Variants in RPS6KA5 observed in about 807,000 individuals in gnomAD.
RPS6KA5 encodes ribosomal protein S6 kinase alpha-5.
RPS6KA5 carries 27 observed loss-of-function variants against 85.5 expected under a neutral mutation model. The observed-to-expected ratio is 0.32, with a 90% confidence interval of 0.23 to 0.44. The LOEUF is 0.44. Ranked by LOEUF, RPS6KA5 falls within the 20% of genes least tolerant of loss-of-function variation. The probability of loss-of-function intolerance (pLI) is 1.00; values close to 1 mark genes in which losing one functional copy is unlikely to be tolerated. For missense variants in RPS6KA5, 811 were observed against 980.9 expected (o/e 0.83, Z 2.31); for synonymous variants, 334 against 348.2 (o/e 0.96, Z 0.46).
chr14:90,925,494 G>C (rs896298913), intron 5 of RPS6KA5, among the ~76,000 whole-genome samples: 1 of 152,056 alleles, frequency 6.6e-6, no homozygotes, highest in African/African-American at 2.4e-5. Context: ...TCTTCTGCAC[G>C]GTGTGGGGAA....
intron 3 of RPS6KA5, among the ~76,000 whole-genome samples, chr14:90,974,859 T>C (rs147408040): frequency 6.6e-6 from 1 of 152,346 alleles, no homozygotes; most frequent in East Asian, 1.9e-4. Context: ...GTTTAAGCTA[T>C]GAAATTTTAG....
intron 14 of RPS6KA5, among the ~76,000 whole-genome samples, chr14:90,875,914 A>AG (rs1329673864): frequency 4.3e-4 from 21 of 48,544 alleles, no homozygotes; most frequent in Admixed American, 1.4e-3. Context: ...GGGTGGGGGG[A>AG]GGGGGGAGGG....
At position 90,850,125 on chromosome 14, in the gene RPS6KA5, C is replaced by G. The variant is rs1009099738; in HGVS notation, c.*21949G>C. 2.6e-5 allele frequency: 4 copies of G among 152,190 alleles called. No individual in the cohort carries two copies. The highest frequency in any genetic ancestry group is 6.5e-5 in the Admixed American group (1 of 15,284). The allele number at this position is 152,190 out of a possible 1,614,324, so 9.4% of individuals were successfully genotyped here. On this transcript the variant is annotated 3_prime_UTR_variant, in exon 17 of 17. Coordinates refer to ENST00000614987, the MANE Select transcript of RPS6KA5 (RefSeq NM_004755.4). ...GTCTGGGAAGGGATCTGTGGGCTTT[C>G]TACAAGGGAGCAAACAACCTCAATT...
At chr14:90,933,589 T>G (rs993972545) in intron 5 of RPS6KA5, among the ~76,000 whole-genome samples, 1 of 152,200 alleles carries the variant, frequency 6.6e-6, no homozygotes, top group Non-Finnish European at 1.5e-5. Context: ...TATCTGGACC[T>G]CATGTTTCCA....
At chr14:90,956,964 GTTTTTTT>G (rs61106740) in intron 3 of RPS6KA5, among the ~76,000 whole-genome samples, 5 of 123,358 alleles carry the variant, frequency 4.1e-5, no homozygotes, top group Admixed American at 8.3e-5. Flanking sequence ...CTGTTTTTCT[GTTTTTTT>G]TTTTTTTTTT....
intron 3 of RPS6KA5, among the ~76,000 whole-genome samples, chr14:90,947,862 T>C (rs2037954054): frequency 6.6e-6 from 1 of 152,224 alleles, no homozygotes; most frequent in African/African-American, 2.4e-5. Context: ...CATAACCATA[T>C]AATGCATACT....
intron 7 of RPS6KA5, among the ~76,000 whole-genome samples, chr14:90,916,205 T>C (rs1052079641): frequency 3.3e-5 from 5 of 152,180 alleles, no homozygotes; most frequent in African/African-American, 1.2e-4. Flanking sequence ...TGAACATGGC[T>C]TCCTTAAAAA....
At chr14:90,915,386 T>C (rs2036061647) in intron 7 of RPS6KA5, among the ~76,000 whole-genome samples, 1 of 152,194 alleles carries the variant, frequency 6.6e-6, no homozygotes, top group African/African-American at 2.4e-5. Context: ...CCCATCTTCC[T>C]AGTGGACTCT....
At chr14:90,917,707 T>C (rs2036194661) in intron 7 of RPS6KA5, among the ~76,000 whole-genome samples, 3 of 148,454 alleles carry the variant, frequency 2.0e-5, no homozygotes, top group South Asian at 4.3e-4. Context: ...GATTCATCCA[T>C]TTGCAAGAGT....
intron 1 of RPS6KA5, chr14:91,052,480 A>C (rs1385091365): frequency 3.2e-5 from 8 of 246,466 alleles, no homozygotes; most frequent in South Asian, 1.1e-4. Context: ...AAAAAAAAAA[A>C]AAAACAGATT....
At position 90,902,898 on chromosome 14, in the gene RPS6KA5, T is replaced by C; in HGVS notation, c.1029A>G (p.Leu343=). 3 of 1,614,112 alleles carry C rather than the reference T, an allele frequency of 1.9e-6. No individual in the cohort carries two copies. Among genetic ancestry groups the C allele is most frequent in the Non-Finnish European group, 1.7e-6 (2 of 1,179,992 alleles). The change falls in exon 9 of 17, where the codon TTA becomes TTG. Residue 343 remains leucine, a synonymous_variant. Coordinates refer to ENST00000614987, the MANE Select transcript of RPS6KA5 (RefSeq NM_004755.4). ...APFKPVIRDE[L]DVSNFAEEFT... is the part of the protein sequence containing the mutation. ...ACTCTTCTGCAAAGTTACTCACATC[T>C]AATTCATCTCGAATGACTGGCTTAA...
chr14:91,060,335 T>C lies in RPS6KA5; in HGVS notation c.100A>G (p.Thr34Ala), dbSNP rs753889864. Reference protein sequence around the residue: ...QLLTVKHELRTANLTGHAEKV... With the variant: ...QLLTVKHELRAANLTGHAEKV... ...GGCAGAGGGCGGGGTCGCTCACCAG[T>C]CCGCAGCTCGTGCTTGACAGTGAGG... Residue 34 changes from threonine (T) to alanine (A), a missense_variant, in exon 1 of 17, where the codon ACT (threonine) becomes GCT (alanine). This residue lies in a region of RPS6KA5 where 113 missense variants were observed against 100.0 expected (regional missense o/e 1.13). Coordinates refer to ENST00000614987, the MANE Select transcript of RPS6KA5 (RefSeq NM_004755.4). 2 of 1,393,920 alleles carry C rather than the reference T, an allele frequency of 1.4e-6. No homozygotes were observed. The highest frequency in any genetic ancestry group is 2.1e-4 in the Middle Eastern group (1 of 4,782). The allele number at this position is 1,393,920 out of a possible 1,614,324, so 86.3% of individuals were successfully genotyped here.
chr14:90,912,510 T>C (rs561134404), intron 7 of RPS6KA5, among the ~76,000 whole-genome samples: 200 of 152,344 alleles, frequency 1.3e-3, no homozygotes, highest in African/African-American at 4.6e-3. Flanking sequence ...AAACTGCATA[T>C]GCTACCACTT....
chr14:90,909,007 C>T (rs765425744), intron 7 of RPS6KA5, among the ~76,000 whole-genome samples: 12 of 152,186 alleles, frequency 7.9e-5, no homozygotes, highest in Non-Finnish European at 1.6e-4. Context: ...GTGTTTGATG[C>T]TGTAATGTCG....
chr14:90,919,667 G>C (rs2036297651), intron 7 of RPS6KA5, among the ~76,000 whole-genome samples: 2 of 152,082 alleles, frequency 1.3e-5, no homozygotes, highest in African/African-American at 4.8e-5. Context: ...TAGTGTGACA[G>C]ATAGACATTA....
In RPS6KA5 at chr14:90,860,876, C is replaced by T. The variant is rs1006088999; in HGVS notation, c.*11198G>A. On this transcript the variant is annotated 3_prime_UTR_variant, in exon 17 of 17. Transcript: ENST00000614987. The stretch of plus-strand genomic sequence containing the variant: ...AAACATAAATATGTGAGCAAACAAA[C>T]AATATAGAGTCTATTTTTTTTTTTT... 1 of 146,698 alleles carries T rather than the reference C, an allele frequency of 6.8e-6. No homozygotes were observed. The highest frequency in any genetic ancestry group is 2.5e-5 in the African/African-American group (1 of 40,018). The allele number at this position is 146,698 out of a possible 1,614,324, so 9.1% of individuals were successfully genotyped here. A position where few individuals can be genotyped will look rare whatever the true frequency, so the allele number is the denominator to read the frequency against.
intron 1 of RPS6KA5, among the ~76,000 whole-genome samples, chr14:91,031,076 C>T (rs901585951): frequency 1.3e-5 from 2 of 152,068 alleles, no homozygotes; most frequent in African/African-American, 4.8e-5. Context: ...TGTAAAATTC[C>T]AAAATTCCAA....
At chr14:91,020,614 T>TTTGTG (rs761685247) in intron 1 of RPS6KA5, among the ~76,000 whole-genome samples, 2 of 91,326 alleles carry the variant, frequency 2.2e-5, no homozygotes, top group African/African-American at 8.5e-5. Context: ...ATATATCCTA[T>TTTGTG]TGTGTGTGTG....
chr14:91,028,943 A>C (rs1016757637), intron 1 of RPS6KA5, among the ~76,000 whole-genome samples: 1 of 152,222 alleles, frequency 6.6e-6, no homozygotes, highest in Non-Finnish European at 1.5e-5. Flanking sequence ...AATACATCTG[A>C]AGTAATATAT....
Sources: gnomAD v4.1 joint callset for allele counts (sites outside exome capture counted in the v4.1 genomes callset) on GRCh38, gnomAD v4.1.1 for gene constraint, gnomAD v4.1.1 regional missense constraint, MANE v1.5 for transcripts, NCBI Gene and HGNC (gene_info 2026-07-23, HGNC 2026-07-21) for gene names.